Variants in MAML2 observed in about 807,000 individuals in gnomAD.
The protein encoded by MAML2 is mastermind-like protein 2.
A neutral mutation model predicts 96.1 loss-of-function variants in MAML2; 22 were observed. The observed-to-expected ratio is 0.23, with a 90% CI of 0.16 to 0.33. The LOEUF is 0.33. Ranked by LOEUF, MAML2 falls within the 10% of genes least tolerant of loss-of-function variation. The probability of loss-of-function intolerance (pLI) is 1.00; values close to 1 mark genes in which losing one functional copy is unlikely to be tolerated. For synonymous variants in MAML2, 561 were observed against 521.3 expected, an observed-to-expected ratio of 1.08 and a Z score of -1.04; for missense variants, 1,367 against 1,392.4, an observed-to-expected ratio of 0.98 and a Z score of 0.29.
At position 96,133,180 on chromosome 11, in the gene MAML2, A is replaced by G. The variant is rs142137968; in HGVS notation, c.514-39663T>C. ...TTTTATCCAAGGTACTTAAATTTCA[A>G]ACATAATGAACACATTGAAAAGGAA... is the stretch of plus-strand genomic sequence containing the variant. On this transcript the variant is annotated intron_variant, in intron 1 of 4. Coordinates refer to ENST00000524717, the MANE Select transcript of MAML2 (RefSeq NM_032427.4). Among the ~76,000 whole-genome samples, 400 of 152,328 alleles carry G rather than the reference A, an allele frequency of 2.6e-3. 7 individuals are homozygous for G. Among genetic ancestry groups the G allele is most frequent in the Admixed American group, 0.018 (279 of 15,292 alleles).
chr11:96,224,837 T>C (rs139284384), intron 1 of MAML2, among the ~76,000 whole-genome samples: 77 of 152,362 alleles, frequency 5.1e-4, no homozygotes, highest in African/African-American at 1.7e-3. Context: ...TAGGTCATTA[T>C]TTGGATTCTT....
intron 3 of MAML2, among the ~76,000 whole-genome samples, chr11:95,987,675 A>G (rs890665778): frequency 2.8e-4 from 43 of 152,326 alleles, no homozygotes; most frequent in African/African-American, 7.2e-4. Context: ...GAATAAGTCT[A>G]CTATAAAGGA....
intron 1 of MAML2, among the ~76,000 whole-genome samples, chr11:96,189,982 T>C (rs1475994290): frequency 6.6e-6 from 1 of 152,084 alleles, no homozygotes; most frequent in Non-Finnish European, 1.5e-5. Flanking sequence ...GACACAAAGA[T>C]AAAAAAAATC....
chr11:96,179,711 C>T (rs1251100785), intron 1 of MAML2, among the ~76,000 whole-genome samples: 1 of 152,246 alleles, frequency 6.6e-6, no homozygotes, highest in Non-Finnish European at 1.5e-5. Flanking sequence ...CTAGGAGGGA[C>T]CTGGGAAGCC....
intron 1 of MAML2, among the ~76,000 whole-genome samples, chr11:96,174,951 A>T (rs1861359461): frequency 6.6e-6 from 1 of 152,202 alleles, no homozygotes; most frequent in South Asian, 2.1e-4. Flanking sequence ...ACCCTAAGGC[A>T]TTGTTTTATA....
At chr11:96,307,318 A>G (rs1863477964) in intron 1 of MAML2, among the ~76,000 whole-genome samples, 1 of 152,218 alleles carries the variant, frequency 6.6e-6, no homozygotes, top group Non-Finnish European at 1.5e-5. Flanking sequence ...TCAGACCAAA[A>G]GCAGGATAAG....
chr11:96,172,147 G>T (rs1861307025), intron 1 of MAML2, among the ~76,000 whole-genome samples: 1 of 152,180 alleles, frequency 6.6e-6, no homozygotes, highest in Admixed American at 6.5e-5. Context: ...TTAGACCTCT[G>T]CTTATCACAT....
At chr11:96,323,141 T>C (rs946172355) in intron 1 of MAML2, among the ~76,000 whole-genome samples, 6 of 149,302 alleles carry the variant, frequency 4.0e-5, no homozygotes, top group East Asian at 1.9e-4. Context: ...CAAGAGACCA[T>C]GGAACTTATC....
intron 1 of MAML2, among the ~76,000 whole-genome samples, chr11:96,249,898 C>A (rs888556225): frequency 3.3e-5 from 5 of 152,144 alleles, no homozygotes; most frequent in Non-Finnish European, 7.3e-5. Context: ...TAGAATAAGA[C>A]CAAATCTTCG....
intron 1 of MAML2, among the ~76,000 whole-genome samples, chr11:96,181,610 C>T (rs936276132): frequency 2.6e-5 from 4 of 152,112 alleles, no homozygotes; most frequent in Non-Finnish European, 5.9e-5. Flanking sequence ...AAAAAAATTA[C>T]AGCTTTTGGC....
At chr11:96,156,615 A>C (rs187871532) in intron 1 of MAML2, among the ~76,000 whole-genome samples, 1 of 152,148 alleles carries the variant, frequency 6.6e-6, no homozygotes. Flanking sequence ...ATTTTTTCCA[A>C]CTAGAAAAAC....
intron 1 of MAML2, among the ~76,000 whole-genome samples, chr11:96,098,418 G>A (rs935688083): frequency 6.6e-6 from 1 of 152,212 alleles, no homozygotes; most frequent in Non-Finnish European, 1.5e-5. Context: ...ACCTAGGTGG[G>A]TGAGAAGCAT....
intron 2 of MAML2, among the ~76,000 whole-genome samples, chr11:96,057,671 C>T (rs1400889574): frequency 6.6e-6 from 1 of 152,194 alleles, no homozygotes; most frequent in Non-Finnish European, 1.5e-5. Context: ...TACAGCAACA[C>T]TTCATCTATT....
chr11:96,330,067 A>G (rs1863833104), intron 1 of MAML2, among the ~76,000 whole-genome samples: 1 of 152,176 alleles, frequency 6.6e-6, no homozygotes, highest in Admixed American at 6.5e-5. Context: ...TAGACTACTG[A>G]AGGCAGATGT....
intron 1 of MAML2, among the ~76,000 whole-genome samples, chr11:96,096,975 G>A (rs1459273663): frequency 1.3e-5 from 2 of 151,152 alleles, no homozygotes; most frequent in Non-Finnish European, 2.9e-5. Flanking sequence ...GATAGGCTGT[G>A]CCCTGCCTTC....
chr11:96,267,081 G>A (rs1187197480), intron 1 of MAML2, among the ~76,000 whole-genome samples: 1 of 152,146 alleles, frequency 6.6e-6, no homozygotes, highest in Non-Finnish European at 1.5e-5. Context: ...TAAAACCTAG[G>A]AGAAAATAAA....
At chr11:96,145,801 A>T (rs1375891840) in intron 1 of MAML2, among the ~76,000 whole-genome samples, 1 of 152,224 alleles carries the variant, frequency 6.6e-6, no homozygotes, top group Non-Finnish European at 1.5e-5. Flanking sequence ...TGAGGTCAGG[A>T]GTTCGAGACC....
rs572829532 is a variant in MAML2, at chr11:95,976,890, C to T, written c.*2058G>A. 27 of 188,934 alleles carry T rather than the reference C, an allele frequency of 1.4e-4. No individual in the cohort carries two copies. The highest frequency in any genetic ancestry group is 3.9e-4 in the South Asian group (2 of 5,120). The allele number at this position is 188,934 out of a possible 1,614,324, so 11.7% of individuals were successfully genotyped here. A position where few individuals can be genotyped will look rare whatever the true frequency, so the allele number is the denominator to read the frequency against. ...ATGGAGAAATGCTGCCTTATAAAAT[C>T]GGAAAACACACAGTAGACTACATGC... On this transcript the variant is annotated 3_prime_UTR_variant, in exon 5 of 5. Coordinates refer to ENST00000524717, the MANE Select transcript of MAML2 (RefSeq NM_032427.4).
At chr11:96,076,097 A>G (rs903325754) in intron 2 of MAML2, among the ~76,000 whole-genome samples, 24 of 152,212 alleles carry the variant, frequency 1.6e-4, no homozygotes, top group African/African-American at 5.6e-4. Flanking sequence ...AAAATATTAC[A>G]ACAGAAAGTT....
Sources: gnomAD v4.1 joint callset for allele counts (sites outside exome capture counted in the v4.1 genomes callset) on GRCh38, gnomAD v4.1.1 for gene constraint, MANE v1.5 for transcripts, NCBI Gene and HGNC (gene_info 2026-07-23, HGNC 2026-07-21) for gene names.